PIK3C2G: variants seen among roughly 807,000 people sequenced by gnomAD.
The protein encoded by PIK3C2G is phosphatidylinositol 3-kinase C2 domain-containing subunit gamma.
In PIK3C2G, 168 loss-of-function variants were observed where a neutral mutation model predicts 181.1. The observed-to-expected ratio is 0.93, with a 90% CI of 0.82 to 1.05. PIK3C2G has a LOEUF of 1.05. Ranked by LOEUF, PIK3C2G falls within the 50% of genes least tolerant of loss-of-function variation. The probability of loss-of-function intolerance (pLI) is 0.00; values close to 1 mark genes in which losing one functional copy is unlikely to be tolerated. For missense variants in PIK3C2G, 1,869 were observed against 1,732.8 expected (o/e 1.08, Z -1.40); for synonymous variants, 573 against 592.2 (o/e 0.97, Z 0.47).
intron 1 of PIK3C2G, among the ~76,000 whole-genome samples, chr12:18,276,918 G>C (rs180827785): frequency 1.8e-4 from 27 of 152,230 alleles, no homozygotes; most frequent in African/African-American, 6.0e-4. Context: ...GCAGTTTAAT[G>C]GGAAGTGAAA....
chr12:18,594,009 G>A (rs1050085952), intron 29 of PIK3C2G, among the ~76,000 whole-genome samples: 4 of 151,766 alleles, frequency 2.6e-5, no homozygotes, highest in African/African-American at 9.7e-5. Context: ...AGAGAACCAT[G>A]CCTCTCTTTT....
intron 28 of PIK3C2G, among the ~76,000 whole-genome samples, chr12:18,565,727 T>C (rs79463160): frequency 5.1e-4 from 78 of 152,284 alleles, no homozygotes; most frequent in African/African-American, 1.9e-3. Flanking sequence ...TCAACTTTCA[T>C]GTACTCATTT....
At chr12:18,272,922 G>T (rs1405437544) in intron 1 of PIK3C2G, among the ~76,000 whole-genome samples, 1 of 151,988 alleles carries the variant, frequency 6.6e-6, no homozygotes, top group South Asian at 2.1e-4. Context: ...TGTGAGGAAT[G>T]CTCATTGTAC....
At chr12:18,427,958 C>T (rs1038033848) in intron 18 of PIK3C2G, among the ~76,000 whole-genome samples, 1 of 152,034 alleles carries the variant, frequency 6.6e-6, no homozygotes, top group African/African-American at 2.4e-5. Context: ...TCCAGGGTCA[C>T]ACGTGTAGGT....
At chr12:18,553,041 A>G (rs1408356422) in intron 26 of PIK3C2G, among the ~76,000 whole-genome samples, 1 of 152,090 alleles carries the variant, frequency 6.6e-6, no homozygotes, top group African/African-American at 2.4e-5. Flanking sequence ...GCTGTTTCCC[A>G]ACAGCTGTTT....
intron 1 of PIK3C2G, among the ~76,000 whole-genome samples, chr12:18,276,349 C>T (rs991274545): frequency 1.3e-5 from 2 of 152,134 alleles, no homozygotes; most frequent in East Asian, 3.9e-4. Flanking sequence ...GTCTTATTTA[C>T]TCCTGAGACA....
intron 5 of PIK3C2G, among the ~76,000 whole-genome samples, chr12:18,300,366 G>C (rs1029568277): frequency 6.6e-6 from 1 of 151,920 alleles, no homozygotes; most frequent in Non-Finnish European, 1.5e-5. Context: ...ACTGTTATTG[G>C]AGACAAACCT....
the PIK3C2G span, among the ~76,000 whole-genome samples, chr12:18,698,283 T>TTCTATTCTAC: frequency 2.0e-5 from 3 of 151,566 alleles, no homozygotes; most frequent in Non-Finnish European, 2.9e-5. Context: ...TTCTATTCTA[T>TTCTATTCTAC]TCTACTCCAT....
chr12:18,332,502 G>A (rs900584970), intron 8 of PIK3C2G, among the ~76,000 whole-genome samples: 6 of 151,934 alleles, frequency 3.9e-5, no homozygotes, highest in African/African-American at 1.2e-4. Context: ...TATCTGTGTC[G>A]TTCACAGTAA....
intron 18 of PIK3C2G, among the ~76,000 whole-genome samples, chr12:18,486,313 T>C (rs925183922): frequency 6.6e-6 from 1 of 152,154 alleles, no homozygotes; most frequent in African/African-American, 2.4e-5. Context: ...TTATGTTTTT[T>C]AGGATATAGT....
In PIK3C2G at chr12:18,477,504, T is replaced by C. The variant is rs559780399; in HGVS notation, c.2505-10945T>C. On this transcript the variant is annotated intron_variant, in intron 18 of 32. Transcript: ENST00000538779. ...AAAATTAGCACAAGGATAGGTAAAT[T>C]ACATAACATAAGTCAACAGGAAATT... Among the ~76,000 whole-genome samples, 5 of 152,224 alleles carry C rather than the reference T, an allele frequency of 3.3e-5. No individual in the cohort carries two copies. In the South Asian group the frequency reaches 1.0e-3, roughly 32 times the overall value.
the PIK3C2G span, chr12:18,719,308 C>A: frequency 2.0e-6 from 1 of 506,814 alleles, no homozygotes; most frequent in East Asian, 3.4e-5. Flanking sequence ...ATTTCTATTC[C>A]CTATGAGTTT....
chr12:18,543,678 T>C (rs1944282525), intron 25 of PIK3C2G, among the ~76,000 whole-genome samples: 1 of 151,974 alleles, frequency 6.6e-6, no homozygotes, highest in Non-Finnish European at 1.5e-5. Flanking sequence ...TTTGTCAGCT[T>C]AGTAAAAGAT....
chr12:18,545,749 A>G (rs1292780774), intron 25 of PIK3C2G, among the ~76,000 whole-genome samples: 1 of 151,916 alleles, frequency 6.6e-6, no homozygotes, highest in Non-Finnish European at 1.5e-5. Context: ...ATGGAGTCAT[A>G]AAAGAACATA....
At chr12:18,350,188 G>A (rs1244199712) in intron 11 of PIK3C2G, among the ~76,000 whole-genome samples, 1 of 152,098 alleles carries the variant, frequency 6.6e-6, no homozygotes, top group Non-Finnish European at 1.5e-5. Context: ...TAGTGGCAGT[G>A]TAAGAGTGGT....
At chr12:18,484,843 G>A (rs1369806217) in intron 18 of PIK3C2G, among the ~76,000 whole-genome samples, 1 of 152,076 alleles carries the variant, frequency 6.6e-6, no homozygotes, top group Non-Finnish European at 1.5e-5. Flanking sequence ...TTATTGAATT[G>A]TATTCTTTAT....
the PIK3C2G span, among the ~76,000 whole-genome samples, chr12:18,690,159 G>A: frequency 2.0e-5 from 3 of 152,238 alleles, no homozygotes; most frequent in South Asian, 2.1e-4. Context: ...GATATATTGG[G>A]CATATACTTT....
At chr12:18,631,455 A>G (rs1949346814) in intron 31 of PIK3C2G, among the ~76,000 whole-genome samples, 1 of 152,188 alleles carries the variant, frequency 6.6e-6, no homozygotes, top group East Asian at 1.9e-4. Context: ...GGCTCTATAC[A>G]AATGGATTTT....
At chr12:18,424,131 A>G in intron 18 of PIK3C2G, 92 bp downstream of exon 18, 1 of 754,562 alleles carries the variant, frequency 1.3e-6, no homozygotes, top group South Asian at 1.5e-5. Flanking sequence ...TCTTTACCTT[A>G]TAATTGATAC....
Sources: gnomAD v4.1 joint callset for allele counts (sites outside exome capture counted in the v4.1 genomes callset) on GRCh38, gnomAD v4.1.1 for gene constraint, MANE v1.5 for transcripts, NCBI Gene and HGNC (gene_info 2026-07-23, HGNC 2026-07-21) for gene names.